The following ZNF609 variants were observed in gnomAD, a reference collection of about 807,000 sequenced individuals.
ZNF609 encodes zinc finger protein 609.
ZNF609 carries 11 observed loss-of-function variants against 109.5 expected under a neutral mutation model. The ratio of observed to expected loss-of-function variants is 0.10; its 90% confidence interval spans 0.06 to 0.17. ZNF609 has a LOEUF of 0.17. Among genes scored for constraint, ZNF609 ranks in the 10% least tolerant of loss-of-function variants. ZNF609 has a pLI of 1.00. For missense variants in ZNF609, 1,559 were observed against 1,772.4 expected (o/e 0.88, Z 2.16); for synonymous variants, 646 against 662.0 (o/e 0.98, Z 0.37).
intron 3 of ZNF609, among the ~76,000 whole-genome samples, chr15:64,638,547 G>T (rs1050230274): frequency 1.3e-5 from 2 of 151,912 alleles, no homozygotes; most frequent in Non-Finnish European, 2.9e-5. Flanking sequence ...GGGAGAATTG[G>T]GGGGAGGGGG....
Position 64,677,020 on chromosome 15 carries a change from C to T in ZNF609, c.3402+764C>T, listed in dbSNP as rs560157206. Among the ~76,000 whole-genome samples, 66 of 151,978 alleles carry T rather than the reference C, an allele frequency of 4.3e-4. 1 individual carries two copies. In the Middle Eastern group the frequency reaches 0.01, roughly 24 times the overall value. The stretch of plus-strand genomic sequence containing the variant: ...CACCCACCTCGGCCTCCCAAAGTAC[C>T]TGGATTAAGGCGTGAGCCACTGCGC... On this transcript the variant is annotated intron_variant, in intron 5 of 9. Coordinates refer to ENST00000326648, the MANE Select transcript of ZNF609 (RefSeq NM_015042.2).
At chr15:64,583,224 G>T (rs1243907084) in intron 2 of ZNF609, among the ~76,000 whole-genome samples, 1 of 151,604 alleles carries the variant, frequency 6.6e-6, no homozygotes, top group East Asian at 2.0e-4. Flanking sequence ...GTAGAGACGG[G>T]GTTTCATCAT....
At chr15:64,545,054 A>C (rs1319245530) in intron 2 of ZNF609, among the ~76,000 whole-genome samples, 2 of 152,258 alleles carry the variant, frequency 1.3e-5, no homozygotes, top group African/African-American at 2.4e-5. Context: ...TAGCAAGATT[A>C]AATGAGACTA....
At chr15:64,630,043 CT>C (rs931701750) in intron 3 of ZNF609, among the ~76,000 whole-genome samples, 7 of 151,350 alleles carry the variant, frequency 4.6e-5, no homozygotes, top group African/African-American at 1.7e-4. Flanking sequence ...CTTCTCTTTC[CT>C]TCTCTGTTTC....
chr15:64,503,470 C>CT (rs1222905212), intron 2 of ZNF609, among the ~76,000 whole-genome samples: 2 of 152,152 alleles, frequency 1.3e-5, no homozygotes, highest in Admixed American at 1.3e-4. Context: ...AGGCGCCTGT[C>CT]TGAGTGTCCT....
chr15:64,652,613 C>G (rs1418246804), intron 3 of ZNF609, among the ~76,000 whole-genome samples: 1 of 152,160 alleles, frequency 6.6e-6, no homozygotes, highest in East Asian at 1.9e-4. Flanking sequence ...ATCTCAAACT[C>G]CTAGGCTCAA....
chr15:64,534,056 G>A (rs1894100486), intron 2 of ZNF609, among the ~76,000 whole-genome samples: 1 of 150,162 alleles, frequency 6.7e-6, no homozygotes, highest in Non-Finnish European at 1.5e-5. Context: ...TTGTTGCCCA[G>A]GCTGGAGTGC....
intron 2 of ZNF609, among the ~76,000 whole-genome samples, chr15:64,507,630 G>A (rs945287592): frequency 6.6e-6 from 1 of 152,216 alleles, no homozygotes; most frequent in Non-Finnish European, 1.5e-5. Context: ...AAGGAAATTG[G>A]ACTTGCTCAC....
Position 64,681,231 on chromosome 15 carries a change from G to T in ZNF609, c.4163-78G>T. ...GAGTATCAGATTTTTTTTTCTGTCA[G>T]CACCCCAAAACTCAGGGAAAAAGAT... On this transcript the variant is annotated intron_variant, in intron 8 of 9. Transcript: ENST00000326648. 3.0e-6 allele frequency: 4 copies of T among 1,347,190 alleles called. No individual in the cohort carries two copies. The Admixed American group carries it at 5.8e-5, about 20-fold the overall frequency. 83.5% of individuals were successfully genotyped at this position (1,347,190 alleles called of 1,614,324 possible).
In ZNF609 at chr15:64,633,109, T is replaced by G. The variant is rs555251889; in HGVS notation, c.973+10057T>G. Among the ~76,000 whole-genome samples, 173 of 151,650 alleles carry G rather than the reference T, an allele frequency of 1.1e-3. 1 individual carries two copies. In the South Asian group the frequency reaches 0.012, roughly 10 times the overall value. ...CATAAATAAAGTATTGTTTTGTTTT[T>G]TTTTTTCTGTAACCTATTAGAAGTG... is the stretch of plus-strand genomic sequence containing the variant. On this transcript the variant is annotated intron_variant, in intron 3 of 9. Coordinates refer to ENST00000326648, the MANE Select transcript of ZNF609 (RefSeq NM_015042.2).
Position 64,487,016 on chromosome 15 carries a change from G to A in ZNF609, c.-127-12277G>A, listed in dbSNP as rs139930451. On this transcript the variant is annotated intron_variant, in intron 1 of 9. Transcript: ENST00000326648. ...GTTAGGTCGATATTCATTATTTATT[G>A]TGCTGAGTAAATAATGTTTATTATT... Among the ~76,000 whole-genome samples the A allele has an allele frequency of 4.3e-3, 654 of 152,116 alleles. 7 individuals carry two copies. Among genetic ancestry groups the A allele is most frequent in the African/African-American group, 0.015 (625 of 41,496 alleles).
At chr15:64,565,258 T>TTATTA in intron 2 of ZNF609, among the ~76,000 whole-genome samples, 1 of 11,806 alleles carries the variant, frequency 8.5e-5, no homozygotes, top group Non-Finnish European at 2.4e-4. Context: ...TATTACTATT[T>TTATTA]TTAGTAGAGA....
chr15:64,539,885 C>T (rs1044720333), intron 2 of ZNF609, among the ~76,000 whole-genome samples: 1 of 152,130 alleles, frequency 6.6e-6, no homozygotes, highest in African/African-American at 2.4e-5. Flanking sequence ...GATCAGCCCG[C>T]CCTGGCCTCC....
At chr15:64,678,626 G>GAAAAA in intron 6 of ZNF609, 144 bp downstream of exon 6, 4 of 1,183,214 alleles carry the variant, frequency 3.4e-6, no homozygotes, top group Non-Finnish European at 4.6e-6. Flanking sequence ...GTCATTCTGT[G>GAAAAA]AGGTGGCCAC....
At chr15:64,589,856 A>G (rs1895263479) in intron 2 of ZNF609, among the ~76,000 whole-genome samples, 1 of 152,216 alleles carries the variant, frequency 6.6e-6, no homozygotes, top group Non-Finnish European at 1.5e-5. Context: ...GAGATTATAG[A>G]GATTTGGCAG....
chr15:64,558,395 G>A (rs917959515), intron 2 of ZNF609, among the ~76,000 whole-genome samples: 1 of 152,100 alleles, frequency 6.6e-6, no homozygotes, highest in Non-Finnish European at 1.5e-5. Flanking sequence ...AATAGTTTCA[G>A]CTTCATAGGG....
intron 1 of ZNF609, among the ~76,000 whole-genome samples, chr15:64,465,707 T>G (rs1482635116): frequency 6.6e-6 from 1 of 152,022 alleles, no homozygotes; most frequent in African/African-American, 2.4e-5. Context: ...TTTTAGTTTC[T>G]CCCAGCACCT....
At chr15:64,481,977 G>A (rs1893260536) in intron 1 of ZNF609, among the ~76,000 whole-genome samples, 2 of 152,116 alleles carry the variant, frequency 1.3e-5, no homozygotes, top group South Asian at 4.2e-4. Flanking sequence ...CAGAGATGGG[G>A]TTTCACCATG....
At chr15:64,477,761 T>C (rs1436169311) in intron 1 of ZNF609, among the ~76,000 whole-genome samples, 2 of 152,168 alleles carry the variant, frequency 1.3e-5, no homozygotes, top group African/African-American at 4.8e-5. Flanking sequence ...CCCGACTGGC[T>C]GGGATTACAG....
Sources: gnomAD v4.1 joint callset for allele counts (sites outside exome capture counted in the v4.1 genomes callset) on GRCh38, gnomAD v4.1.1 for gene constraint, MANE v1.5 for transcripts, NCBI Gene and HGNC (gene_info 2026-07-23, HGNC 2026-07-21) for gene names.